RERE: variants seen among roughly 807,000 people sequenced by gnomAD.
The protein encoded by RERE is arginine-glutamic acid dipeptide repeats.
RERE carries 40 observed loss-of-function variants against 146.1 expected under a neutral mutation model. The observed-to-expected ratio is 0.27, with a 90% CI of 0.21 to 0.36. The LOEUF is 0.36. Among genes scored for constraint, RERE ranks in the 10% least tolerant of loss-of-function variants. RERE has a pLI of 1.00. For missense variants in RERE, 1,933 were observed against 2,138.7 expected (o/e 0.90, Z 1.90); for synonymous variants, 1,003 against 866.0 (o/e 1.16, Z -2.78).
intron 4 of RERE, among the ~76,000 whole-genome samples, chr1:8,609,850 A>T (rs368163926): frequency 1.3e-5 from 2 of 152,234 alleles, no homozygotes; most frequent in East Asian, 3.9e-4. Flanking sequence ...CTCTATTAAC[A>T]CCGGTTTGAC....
At chr1:8,447,698 G>A (rs1202171751) in intron 11 of RERE, among the ~76,000 whole-genome samples, 1 of 152,178 alleles carries the variant, frequency 6.6e-6, no homozygotes, top group Non-Finnish European at 1.5e-5. Context: ...CCAAGCATGT[G>A]GATTCTGAGG....
chr1:8,785,933 G>GT (rs541827929), intron 1 of RERE, among the ~76,000 whole-genome samples: 26 of 152,038 alleles, frequency 1.7e-4, no homozygotes, highest in African/African-American at 5.8e-4. Context: ...GCCTTGAGCT[G>GT]TTTTTTTAAA....
At position 8,364,061 on chromosome 1, in the gene RERE, C is replaced by T. The variant is rs771592760; in HGVS notation, c.1735G>A (p.Gly579Ser). 5.0e-6 allele frequency: 8 copies of T among 1,614,104 alleles called. No individual in the cohort carries two copies. Among genetic ancestry groups the T allele is most frequent in the Admixed American group, 1.7e-5 (1 of 60,028 alleles). The change falls in exon 15 of 23, where the codon GGC becomes AGC. Residue 579 changes from glycine (G) to serine (S), a missense_variant. Gly to Ser is a moderately conservative substitution (Grantham distance 56). Around this residue, in one of 11 missense-constraint regions of RERE, gnomAD observed 1,255 missense variants for 1,153.8 expected, o/e 1.09. Coordinates refer to ENST00000400908, the MANE Select transcript of RERE (RefSeq NM_001042681.2). The surrounding 1 kb of genome is among the most constrained non-coding windows in gnomAD (Gnocchi z 5.1). ...KHSMRTRRSR[G>S]SMSTLRSGRK... Reference sequence around the variant, plus strand: ...CATGGCCCCAGGGGACTCACCGAGCCCCGACTCCGCCGTGTCCTCATGCTA... The same window carrying T: ...CATGGCCCCAGGGGACTCACCGAGCTCCGACTCCGCCGTGTCCTCATGCTA...
At chr1:8,676,707 G>A (rs1175323013) in intron 1 of RERE, among the ~76,000 whole-genome samples, 4 of 152,154 alleles carry the variant, frequency 2.6e-5, no homozygotes, top group African/African-American at 4.8e-5. Context: ...ATCCCTCTGT[G>A]GTCCCCAGGG....
At chr1:8,729,609 T>C (rs1640042993) in intron 1 of RERE, among the ~76,000 whole-genome samples, 1 of 152,102 alleles carries the variant, frequency 6.6e-6, no homozygotes, top group Non-Finnish European at 1.5e-5. Context: ...CCATACAACC[T>C]GAAAAGACTA....
At chr1:8,510,783 T>C (rs1304537722) in intron 7 of RERE, among the ~76,000 whole-genome samples, 1 of 152,228 alleles carries the variant, frequency 6.6e-6, no homozygotes, top group Non-Finnish European at 1.5e-5. Flanking sequence ...GCCCATTCAG[T>C]AACTTCTGCC....
Position 8,407,361 on chromosome 1 carries a change from G to A in RERE, c.1284+15366C>T, listed in dbSNP as rs541499761. Among the ~76,000 whole-genome samples the A allele has an allele frequency of 2.6e-5, 4 of 152,278 alleles. No homozygotes were observed. The South Asian group carries it at 8.3e-4, about 32-fold the overall frequency. On this transcript the variant is annotated intron_variant, in intron 12 of 22. Coordinates refer to ENST00000400908, the MANE Select transcript of RERE (RefSeq NM_001042681.2). ...ATCACAGTGCTTTCTGCTACCTTATGAGACAGTTCGCATCTCAACAGCTCT... is the reference window on the plus strand; with the variant it reads ...ATCACAGTGCTTTCTGCTACCTTATAAGACAGTTCGCATCTCAACAGCTCT...
At chr1:8,440,654 G>A (rs1309137919) in intron 11 of RERE, among the ~76,000 whole-genome samples, 4 of 150,124 alleles carry the variant, frequency 2.7e-5, no homozygotes, top group Non-Finnish European at 4.4e-5. Context: ...TTGGGAGGCC[G>A]AGGCTGGCGG....
intron 12 of RERE, among the ~76,000 whole-genome samples, chr1:8,413,582 G>C (rs973667527): frequency 2.6e-5 from 4 of 152,022 alleles, no homozygotes; most frequent in African/African-American, 9.7e-5. Flanking sequence ...GGGCTCAAGT[G>C]ATCCTCCCAC....
intron 10 of RERE, among the ~76,000 whole-genome samples, chr1:8,485,858 G>A (rs1644892197): frequency 6.7e-6 from 1 of 149,838 alleles, no homozygotes; most frequent in Non-Finnish European, 1.5e-5. Context: ...GAGTGCAGTG[G>A]CGCGATCTTG....
intron 12 of RERE, among the ~76,000 whole-genome samples, chr1:8,368,196 GCGGTGGCTCACGCCT>G (rs1164981244): frequency 6.6e-6 from 1 of 152,088 alleles, no homozygotes; most frequent in African/African-American, 2.4e-5. Flanking sequence ...GTGGCCAGGT[GCGGTGGCTCACGCCT>G]GTAATCCTAG....
chr1:8,585,805 TG>T (rs1646420815), intron 4 of RERE, among the ~76,000 whole-genome samples: 1 of 152,194 alleles, frequency 6.6e-6, no homozygotes, highest in African/African-American at 2.4e-5. Flanking sequence ...ATTGTGCAAC[TG>T]GGTAACAAGA....
chr1:8,374,442 C>T (rs1180633246), intron 12 of RERE, among the ~76,000 whole-genome samples: 4 of 152,196 alleles, frequency 2.6e-5, no homozygotes, highest in Non-Finnish European at 5.9e-5. Flanking sequence ...AAGATTTCTG[C>T]CAACACTGAA....
intron 11 of RERE, among the ~76,000 whole-genome samples, chr1:8,434,137 C>G (rs1349268903): frequency 6.6e-6 from 1 of 152,170 alleles, no homozygotes; most frequent in East Asian, 1.9e-4. Context: ...CCACTAGCAA[C>G]CCCCAGTTAA....
chr1:8,390,634 C>T (rs1024830272), intron 12 of RERE, among the ~76,000 whole-genome samples: 3 of 130,774 alleles, frequency 2.3e-5, no homozygotes, highest in Non-Finnish European at 4.8e-5. Context: ...TAATTCCTTT[C>T]TATCTAGTAA....
intron 1 of RERE, among the ~76,000 whole-genome samples, chr1:8,811,183 C>G (rs970253117): frequency 1.3e-5 from 2 of 152,174 alleles, no homozygotes; most frequent in Non-Finnish European, 2.9e-5. Flanking sequence ...AGGCAGTTCA[C>G]ACAGACAGAC....
intron 4 of RERE, among the ~76,000 whole-genome samples, chr1:8,599,296 C>T (rs962532828): frequency 6.6e-6 from 1 of 152,086 alleles, no homozygotes; most frequent in Non-Finnish European, 1.5e-5. Context: ...CGGTTAAAAT[C>T]AACGAAAAAA....
chr1:8,579,939 G>A (rs1485472917), intron 4 of RERE, among the ~76,000 whole-genome samples: 1 of 152,202 alleles, frequency 6.6e-6, no homozygotes, highest in Non-Finnish European at 1.5e-5. Context: ...GGGAGGTGGA[G>A]GTTGCAGTGA....
intron 4 of RERE, among the ~76,000 whole-genome samples, chr1:8,599,480 G>A (rs1205804411): frequency 6.6e-6 from 1 of 152,150 alleles, no homozygotes; most frequent in Non-Finnish European, 1.5e-5. Context: ...TAAAAAAAGT[G>A]TATAGATGTC....
Sources: allele counts gnomAD v4.1 joint callset (sites outside exome capture counted in the v4.1 genomes callset), GRCh38; gene constraint gnomAD v4.1.1; regional missense constraint gnomAD v4.1.1; non-coding constraint Gnocchi (gnomAD v3.1); transcripts MANE v1.5; gene names NCBI Gene and HGNC (gene_info 2026-07-23, HGNC 2026-07-21).